Variants in SPRED1 observed in about 807,000 individuals in gnomAD.
The protein encoded by SPRED1 is sprouty-related, EVH1 domain-containing protein 1.
SPRED1 carries 18 observed loss-of-function variants against 52.3 expected under a neutral mutation model. The ratio of observed to expected loss-of-function variants is 0.34; its 90% CI spans 0.24 to 0.51. The LOEUF (loss-of-function observed/expected upper bound fraction) is 0.51. Among genes scored for constraint, SPRED1 ranks in the 20% least tolerant of loss-of-function variants. The pLI, the probability that SPRED1 is intolerant of heterozygous loss-of-function variation, is 0.97. For missense variants in SPRED1, 485 were observed against 551.0 expected (o/e 0.88, Z 1.20); for synonymous variants, 155 against 179.7 (o/e 0.86, Z 1.10).
In SPRED1 at chr15:38,322,182, A is replaced by G. The variant is rs1895615643; in HGVS notation, c.208-59A>G. 18 of 1,507,394 alleles carry G rather than the reference A, an allele frequency of 1.2e-5. No homozygotes were observed. The South Asian group carries it at 2.0e-4, about 17-fold the overall frequency. 93.4% of individuals were successfully genotyped at this position (1,507,394 alleles called of 1,614,324 possible). A position where few individuals can be genotyped will look rare whatever the true frequency, so the allele number is the denominator to read the frequency against. ...TGTATCACCTCAGTTTGTATTTATG[A>G]GCTACATTAGATGCATTTGATATAT... On this transcript the variant is annotated intron_variant, in intron 2 of 6. Coordinates refer to ENST00000299084, the MANE Select transcript of SPRED1 (RefSeq NM_152594.3).
intron 1 of SPRED1, among the ~76,000 whole-genome samples, chr15:38,272,538 G>A (rs1379237603): frequency 6.6e-6 from 1 of 152,126 alleles, no homozygotes; most frequent in African/African-American, 2.4e-5. Flanking sequence ...CCAAAGTGCT[G>A]GGATTACAGG....
intron 1 of SPRED1, among the ~76,000 whole-genome samples, chr15:38,257,466 T>C (rs1466804922): frequency 6.6e-6 from 1 of 152,180 alleles, no homozygotes; most frequent in Admixed American, 6.5e-5. Context: ...GGCTTACCTT[T>C]TTTTTTAAGA....
chr15:38,324,850 G>A (rs757559269), intron 4 of SPRED1, 41 bp downstream of exon 4: 9 of 1,525,292 alleles, frequency 5.9e-6, no homozygotes, highest in Middle Eastern at 1.7e-4. Flanking sequence ...CATAAAGGAT[G>A]TGGAAGAAAT....
chr15:38,287,768 C>G (rs191873205), intron 1 of SPRED1, among the ~76,000 whole-genome samples: 4 of 152,144 alleles, frequency 2.6e-5, no homozygotes, highest in African/African-American at 9.7e-5. Context: ...AGGCTGTATG[C>G]AAGTATTTTG....
chr15:38,330,998 T>G (rs1895795639), intron 4 of SPRED1, among the ~76,000 whole-genome samples: 1 of 152,142 alleles, frequency 6.6e-6, no homozygotes, highest in Non-Finnish European at 1.5e-5. Flanking sequence ...TCTGGCCTTA[T>G]GTTCTGATCA....
At chr15:38,327,049 G>A (rs181386630) in intron 4 of SPRED1, among the ~76,000 whole-genome samples, 69 of 152,228 alleles carry the variant, frequency 4.5e-4, no homozygotes, top group Admixed American at 4.3e-3. Context: ...TGTCTTTTGG[G>A]TATGTGTTGG....
intron 4 of SPRED1, among the ~76,000 whole-genome samples, chr15:38,333,492 ATTC>A (rs1209164134): frequency 1.3e-5 from 2 of 152,168 alleles, no homozygotes; most frequent in Non-Finnish European, 2.9e-5. Context: ...GTGTTCATTT[ATTC>A]TTTTGTTCAT....
chr15:38,334,582 CAGTT>C (rs759881436), intron 4 of SPRED1, among the ~76,000 whole-genome samples: 5 of 152,008 alleles, frequency 3.3e-5, no homozygotes, highest in East Asian at 1.9e-4. Context: ...ATCCTTCTAT[CAGTT>C]AGACAAATGG....
At chr15:38,288,390 C>T (rs764060041) in intron 1 of SPRED1, among the ~76,000 whole-genome samples, 1 of 151,982 alleles carries the variant, frequency 6.6e-6, no homozygotes, top group Non-Finnish European at 1.5e-5. Flanking sequence ...ACTCATGGAG[C>T]GTAAATCCTA....
In SPRED1 at chr15:38,353,217, G is replaced by C. The variant is rs1254716273; in HGVS notation, c.*1553G>C. On this transcript the variant is annotated 3_prime_UTR_variant, in exon 7 of 7. Transcript: ENST00000299084. ...CTATTTGAAGCTCATTTTCTATGCA[G>C]GTTTTTAAACGTCATTTATGTATCA... 3 of 152,158 alleles carry C rather than the reference G, an allele frequency of 2.0e-5. No individual in the cohort carries two copies. The highest frequency in any genetic ancestry group is 1.3e-4 in the Admixed American group (2 of 15,250). The allele number at this position is 152,158 out of a possible 1,614,324, so 9.4% of individuals were successfully genotyped here. A position where few individuals can be genotyped will look rare whatever the true frequency, so the allele number is the denominator to read the frequency against.
chr15:38,337,470 C>T (rs1039508394), intron 4 of SPRED1, among the ~76,000 whole-genome samples: 4 of 152,120 alleles, frequency 2.6e-5, no homozygotes, highest in Non-Finnish European at 5.9e-5. Context: ...GCTATAAATT[C>T]ACTGTGCGAT....
At position 38,253,035 on chromosome 15, in the gene SPRED1, G is replaced by A. The variant is rs1894012281; in HGVS notation, c.-151G>A. On this transcript the variant is annotated 5_prime_UTR_variant, in exon 1 of 7. Coordinates refer to ENST00000299084, the MANE Select transcript of SPRED1 (RefSeq NM_152594.3). Reference sequence around the variant, plus strand: ...CGGGGTTCCCGGCTGGGGGGGTACCGTTCTGGGTGAGGCATCCACCATGGT... The same window carrying A: ...CGGGGTTCCCGGCTGGGGGGGTACCATTCTGGGTGAGGCATCCACCATGGT... 3 of 717,802 alleles carry A rather than the reference G, an allele frequency of 4.2e-6. No individual in the cohort carries two copies. The highest frequency in any genetic ancestry group is 1.5e-5 in the South Asian group (1 of 66,228). The allele number at this position is 717,802 out of a possible 1,614,324, so 44.5% of individuals were successfully genotyped here.
intron 1 of SPRED1, among the ~76,000 whole-genome samples, chr15:38,297,799 G>T (rs1779292266): frequency 6.6e-6 from 1 of 152,062 alleles, no homozygotes; most frequent in South Asian, 2.1e-4. Context: ...GTCAGGCATG[G>T]TTTACATTTA....
At chr15:38,341,423 C>A (rs748506210) in intron 5 of SPRED1, among the ~76,000 whole-genome samples, 7 of 149,724 alleles carry the variant, frequency 4.7e-5, no homozygotes, top group Non-Finnish European at 8.9e-5. Context: ...TCCTTTTTTT[C>A]TCTCTTTTTC....
intron 2 of SPRED1, among the ~76,000 whole-genome samples, chr15:38,303,575 CTAG>C (rs1444274889): frequency 6.6e-6 from 1 of 152,020 alleles, no homozygotes; most frequent in African/African-American, 2.4e-5. Flanking sequence ...TCTGAATTAA[CTAG>C]TATCAAAAGT....
chr15:38,283,393 A>G (rs1157001692), intron 1 of SPRED1: 3 of 403,564 alleles, frequency 7.4e-6, no homozygotes, highest in South Asian at 2.0e-4. Context: ...GAGCCAGACC[A>G]TGTCTTGAGA....
At chr15:38,320,782 G>A (rs926131593) in intron 2 of SPRED1, among the ~76,000 whole-genome samples, 1 of 152,056 alleles carries the variant, frequency 6.6e-6, no homozygotes, top group African/African-American at 2.4e-5. Flanking sequence ...TGTAGTTCTA[G>A]TCTTTTTATT....
chr15:38,341,238 T>C (rs1465134405), intron 5 of SPRED1, among the ~76,000 whole-genome samples: 1 of 152,022 alleles, frequency 6.6e-6, no homozygotes, highest in African/African-American at 2.4e-5. Flanking sequence ...GTTGATAAAT[T>C]TTAGCCTTTT....
At chr15:38,285,097 C>T (rs1325783625) in intron 1 of SPRED1, among the ~76,000 whole-genome samples, 1 of 151,872 alleles carries the variant, frequency 6.6e-6, no homozygotes, top group Non-Finnish European at 1.5e-5. Flanking sequence ...TGCCTGACTG[C>T]CCCCTCCTGC....
Sources: allele counts gnomAD v4.1 joint callset (sites outside exome capture counted in the v4.1 genomes callset), GRCh38; gene constraint gnomAD v4.1.1; transcripts MANE v1.5; gene names NCBI Gene and HGNC (gene_info 2026-07-23, HGNC 2026-07-21).